The following SPATA6L variants were observed in gnomAD, a reference collection of about 807,000 sequenced individuals.
SPATA6L encodes the protein spermatogenesis associated 6 like.
SPATA6L carries 68 observed loss-of-function variants against 49.2 expected under a neutral mutation model. The observed-to-expected ratio is 1.38, with a 90% CI of 1.14 to 1.69. SPATA6L has a LOEUF of 1.69. Ranked by LOEUF, SPATA6L falls within the 40% of genes most tolerant of loss-of-function variation. The probability of loss-of-function intolerance (pLI) is 0.00; values close to 1 mark genes in which losing one functional copy is unlikely to be tolerated. For missense variants in SPATA6L, 668 were observed against 464.3 expected, an observed-to-expected ratio of 1.44 and a Z score of -4.03; for synonymous variants, 198 against 165.7, an observed-to-expected ratio of 1.19 and a Z score of -1.50.
At chr9:4,596,213 G>T (rs10974636), downstream of SPATA6L, among the ~76,000 whole-genome samples, 37,620 of 151,970 alleles carry the variant, frequency 0.25, 5,522 homozygotes, top group Admixed American at 0.34. Context: ...GACCCCTCCC[G>T]ACCCCACAGG....
At chr9:4,626,646 T>C (rs1830406984) in intron 5 of SPATA6L, 1 of 1,067,866 alleles carries the variant, frequency 9.4e-7, no homozygotes, top group Non-Finnish European at 1.2e-6. Flanking sequence ...TGTTTAGCCA[T>C]TTTTAAAAAT....
chr9:4,657,083 G>A (rs113137577), intron 2 of SPATA6L, among the ~76,000 whole-genome samples: 6 of 152,206 alleles, frequency 3.9e-5, no homozygotes, highest in African/African-American at 1.2e-4. Context: ...AAAGGGCCTG[G>A]GATAGGATTG....
At chr9:4,628,199 G>A in intron 5 of SPATA6L, 1 of 188,296 alleles carries the variant, frequency 5.3e-6, no homozygotes. Flanking sequence ...TAGAACAACA[G>A]GGTGACTATA....
intron 9 of SPATA6L, among the ~76,000 whole-genome samples, chr9:4,607,573 A>C (rs1442661019): frequency 1.3e-5 from 2 of 152,288 alleles, no homozygotes; most frequent in African/African-American, 4.8e-5. Flanking sequence ...GAAATAAAAT[A>C]CTTTACAGAC....
intron 2 of SPATA6L, among the ~76,000 whole-genome samples, chr9:4,657,420 T>G (rs750298273): frequency 3.9e-5 from 6 of 151,970 alleles, no homozygotes; most frequent in Admixed American, 3.3e-4. Context: ...AGTTTGCAAA[T>G]AGGGTCACTG....
At chr9:4,596,303 T>G (rs1822253046), downstream of SPATA6L, 1 of 152,160 alleles carries the variant, frequency 6.6e-6, no homozygotes, top group Admixed American at 6.6e-5. Context: ...TGGGATCAAT[T>G]TTGTTAACTG....
chr9:4,622,513 G>A lies in SPATA6L; in HGVS notation c.670-3C>T. Reference sequence around the variant, plus strand: ...CCAAAGGGCTTTGCACTGTCCACCTGAAAGTAAAGGAAAGAAATAAGACTA... The same window carrying A: ...CCAAAGGGCTTTGCACTGTCCACCTAAAAGTAAAGGAAAGAAATAAGACTA... On this transcript the variant is annotated splice_region_variant and splice_polypyrimidine_tract_variant and intron_variant, in intron 6 of 11. Coordinates refer to ENST00000682582, the MANE Select transcript of SPATA6L (RefSeq NM_001353486.2). 6.3e-7 allele frequency: 1 copy of A among 1,586,870 alleles called. No individual in the cohort carries two copies. The highest frequency in any genetic ancestry group is 1.3e-5 in the African/African-American group (1 of 74,334).
At position 4,625,361 on chromosome 9, in the gene SPATA6L, G is replaced by C; in HGVS notation, c.635C>G (p.Ser212Cys). ...QLNLGNNFKI[S>C]GGSKPPFVVR... ...AACAAATGGAGGCTTGCTTCCTCCA[G>C]AGATTTTGAAATTATTTCCAAGGTT... Residue 212 changes from serine (S) to cysteine (C), a missense_variant, in exon 6 of 12, where the codon TCT (serine) becomes TGT (cysteine). Physicochemically the swap from Ser to Cys is moderately radical, Grantham distance 112. Coordinates refer to ENST00000682582, the MANE Select transcript of SPATA6L (RefSeq NM_001353486.2). The C allele has an allele frequency of 1.2e-6, 2 of 1,613,978 alleles. No homozygotes were observed. The highest frequency in any genetic ancestry group is 1.3e-5 in the African/African-American group (1 of 75,038).
intron 3 of SPATA6L, among the ~76,000 whole-genome samples, chr9:4,645,944 C>A (rs1245713285): frequency 1.3e-5 from 2 of 152,110 alleles, no homozygotes; most frequent in Non-Finnish European, 2.9e-5. Flanking sequence ...CATACGAAAA[C>A]CAACTGAATT....
intron 3 of SPATA6L, among the ~76,000 whole-genome samples, chr9:4,640,227 C>T (rs939680648): frequency 1.3e-5 from 2 of 152,152 alleles, no homozygotes; most frequent in East Asian, 3.8e-4. Flanking sequence ...TCACGCTGCC[C>T]CCCTGTGTCC....
At chr9:4,618,277 A>T (rs1828478942) in intron 8 of SPATA6L, among the ~76,000 whole-genome samples, 167 bp from the exon 9 acceptor site, 1 of 152,030 alleles carries the variant, frequency 6.6e-6, no homozygotes, top group Non-Finnish European at 1.5e-5. Flanking sequence ...AAGACTAGTG[A>T]CAAAATGCTC....
intron 3 of SPATA6L, among the ~76,000 whole-genome samples, chr9:4,654,882 G>C (rs1201046102): frequency 6.6e-6 from 1 of 152,188 alleles, no homozygotes; most frequent in East Asian, 1.9e-4. Flanking sequence ...GAAAGCAGGA[G>C]TGCCTGTCCT....
chr9:4,588,997 G>A (rs1199245575), intron 13 of SPATA6L: 3 of 152,166 alleles, frequency 2.0e-5, no homozygotes, highest in Non-Finnish European at 4.4e-5. Flanking sequence ...TAGCAGCCTT[G>A]GAAGGCTGCT....
intron 9 of SPATA6L, 62 bp from the exon 10 acceptor site, chr9:4,605,502 C>T (rs1240176098): frequency 5.2e-6 from 6 of 1,153,260 alleles, no homozygotes; most frequent in Non-Finnish European, 7.8e-6. Context: ...ACTTAAAGCA[C>T]ATGACGGTAT....
intron 3 of SPATA6L, among the ~76,000 whole-genome samples, chr9:4,655,781 C>T (rs1283261766): frequency 6.6e-6 from 1 of 152,104 alleles, no homozygotes; most frequent in Non-Finnish European, 1.5e-5. Context: ...AAACTCCTGA[C>T]CTCAAGGGAT....
intron 9 of SPATA6L, among the ~76,000 whole-genome samples, chr9:4,614,719 G>A (rs1827561987): frequency 6.6e-6 from 1 of 152,148 alleles, no homozygotes; most frequent in Non-Finnish European, 1.5e-5. Flanking sequence ...GACAGCCATG[G>A]GCAAACTGGA....
chr9:4,606,016 G>T (rs1427865065), intron 9 of SPATA6L, among the ~76,000 whole-genome samples: 1 of 152,084 alleles, frequency 6.6e-6, no homozygotes, highest in Non-Finnish European at 1.5e-5. Flanking sequence ...AAGGGGTCAG[G>T]CAGTTCCCTT....
intron 5 of SPATA6L, 59 bp from the exon 6 acceptor site, chr9:4,625,625 A>G: frequency 7.9e-7 from 1 of 1,258,472 alleles, no homozygotes; most frequent in Non-Finnish European, 1.1e-6. Context: ...AGAAAATTCA[A>G]TCAGAATATA....
At position 4,633,383 on chromosome 9, in the gene SPATA6L, G is replaced by A. The variant is rs141731754; in HGVS notation, c.351+1892C>T. ...ACTTGGTTATCATTAAAAAAGGAGA[G>A]AAGGATATTCCCGGAGTGACTGACA... is the stretch of plus-strand genomic sequence containing the variant. On this transcript the variant is annotated intron_variant, in intron 4 of 11. Transcript: ENST00000682582. 3.8e-3 allele frequency: 589 copies of A among 153,972 alleles called. 5 individuals are homozygous for A. Among genetic ancestry groups the A allele is most frequent in the African/African-American group, 0.013 (560 of 41,638 alleles). The allele number at this position is 153,972 out of a possible 1,614,324, so 9.5% of individuals were successfully genotyped here.
Sources: gnomAD v4.1 joint callset for allele counts (sites outside exome capture counted in the v4.1 genomes callset) on GRCh38, gnomAD v4.1.1 for gene constraint, MANE v1.5 for transcripts, NCBI Gene and HGNC (gene_info 2026-07-23, HGNC 2026-07-21) for gene names.